TBCK: variants seen among roughly 807,000 people sequenced by gnomAD.
TBCK encodes TBC domain-containing protein kinase-like protein.
In TBCK, 99 loss-of-function variants were observed where a neutral mutation model predicts 113.4. That is an observed-to-expected ratio of 0.87 (90% CI 0.74 to 1.03). The LOEUF (loss-of-function observed/expected upper bound fraction) is 1.03, where lower values mean the gene tolerates loss of function less well. Among genes scored for constraint, TBCK ranks in the 50% least tolerant of loss-of-function variants. The pLI is 0.00. For missense variants in TBCK, 1,045 were observed against 1,061.3 expected (o/e 0.98, Z 0.21); for synonymous variants, 369 against 370.8 (o/e 1.00, Z 0.05).
At chr4:106,068,739 G>T (rs905844016) in intron 25 of TBCK, among the ~76,000 whole-genome samples, 1 of 152,096 alleles carries the variant, frequency 6.6e-6, no homozygotes, top group Non-Finnish European at 1.5e-5. Flanking sequence ...CTTCCACAAT[G>T]GTTGAACTAG....
intron 25 of TBCK, among the ~76,000 whole-genome samples, chr4:106,063,871 G>T (rs1330820022): frequency 6.6e-6 from 1 of 151,770 alleles, no homozygotes; most frequent in African/African-American, 2.4e-5. Context: ...CCTTTATCTT[G>T]GACTTAGTCT....
At chr4:106,167,131 T>TAG (rs59727874) in intron 23 of TBCK, among the ~76,000 whole-genome samples, 275 of 143,112 alleles carry the variant, frequency 1.9e-3, no homozygotes, top group African/African-American at 2.6e-3. Flanking sequence ...TATATATATA[T>TAG]AGAGAGAGAG....
chr4:106,041,913 A>G lies in TBCK; in HGVS notation c.*4657T>C, dbSNP rs1314688440. 2 of 152,244 alleles carry G rather than the reference A, an allele frequency of 1.3e-5. No individual in the cohort carries two copies. The highest frequency in any genetic ancestry group is 2.9e-5 in the Non-Finnish European group (2 of 68,044). The allele number at this position is 152,244 out of a possible 1,614,324, so 9.4% of individuals were successfully genotyped here. A position where few individuals can be genotyped will look rare whatever the true frequency, so the allele number is the denominator to read the frequency against. Reference sequence around the variant, plus strand: ...ACATGTGACTTTATAAAATATGGCTAACTTTTAAAATAGGTATTTACAATG... The same window carrying G: ...ACATGTGACTTTATAAAATATGGCTGACTTTTAAAATAGGTATTTACAATG... On this transcript the variant is annotated 3_prime_UTR_variant, in exon 26 of 26. Transcript: ENST00000394708.
chr4:106,242,582 T>G lies in TBCK; in HGVS notation c.1071-13A>C. On this transcript the variant is annotated splice_polypyrimidine_tract_variant and intron_variant, in intron 11 of 25. Transcript: ENST00000394708. ...CTCAAAGAGAAAACTGAAAAGAAATTTTTAAAAATAATATGTACACAAAAT... is the reference window on the plus strand; with the variant it reads ...CTCAAAGAGAAAACTGAAAAGAAATGTTTAAAAATAATATGTACACAAAAT... 5 of 1,578,268 alleles carry G rather than the reference T, an allele frequency of 3.2e-6. No homozygotes were observed. Among genetic ancestry groups the G allele is most frequent in the Non-Finnish European group, 4.3e-6 (5 of 1,163,770 alleles).
chr4:106,214,652 G>T (rs1223666862), intron 19 of TBCK, among the ~76,000 whole-genome samples: 1 of 152,082 alleles, frequency 6.6e-6, no homozygotes, highest in East Asian at 1.9e-4. Context: ...AAGTGAGAAG[G>T]AAAGTTTAGA....
chr4:106,301,941 T>C (rs1221568826), intron 2 of TBCK, among the ~76,000 whole-genome samples: 3 of 152,216 alleles, frequency 2.0e-5, no homozygotes, highest in Non-Finnish European at 2.9e-5. Context: ...AAGGAGACTG[T>C]TCATCAGAAA....
intron 20 of TBCK, among the ~76,000 whole-genome samples, chr4:106,201,224 C>A (rs1162425561): frequency 1.4e-4 from 21 of 151,974 alleles, no homozygotes; most frequent in East Asian, 3.9e-4. Context: ...AAGTAATGTA[C>A]TCTGTGAGAT....
Position 106,044,028 on chromosome 4 carries a change from T to C in TBCK, c.*2542A>G, listed in dbSNP as rs1734007826. On this transcript the variant is annotated 3_prime_UTR_variant, in exon 26 of 26. Transcript: ENST00000394708. ...TATTAAATATTATAATTTTCATGTT[T>C]AAAAAACTTCAATTTCTTGGAATAA... The C allele has an allele frequency of 1.3e-5, 2 of 152,324 alleles. No homozygotes were observed. The highest frequency in any genetic ancestry group is 4.8e-5 in the African/African-American group (2 of 41,574). The allele number at this position is 152,324 out of a possible 1,614,324, so 9.4% of individuals were successfully genotyped here.
At chr4:106,145,887 C>CA (rs1343280692) in intron 23 of TBCK, among the ~76,000 whole-genome samples, 3 of 151,836 alleles carry the variant, frequency 2.0e-5, no homozygotes, top group Admixed American at 6.6e-5. Flanking sequence ...ACTAAAAAGT[C>CA]AAAAAAACAG....
At chr4:106,265,386 C>T (rs1762900219) in intron 3 of TBCK, among the ~76,000 whole-genome samples, 1 of 151,830 alleles carries the variant, frequency 6.6e-6, no homozygotes. Flanking sequence ...ATAAAGAATT[C>T]AATTGTACTT....
Position 106,131,464 on chromosome 4 carries a change from T to A in TBCK, c.2236-15086A>T, listed in dbSNP as rs1409755387. Among the ~76,000 whole-genome samples, 5 of 152,028 alleles carry A rather than the reference T, an allele frequency of 3.3e-5. No individual in the cohort carries two copies. In the East Asian group the frequency reaches 9.7e-4, roughly 29 times the overall value. ...CCCGTCTCTACTAAAAAGACAAAAA[T>A]TAGCTGGGCATGGTGGCGCATGCCT... On this transcript the variant is annotated intron_variant, in intron 23 of 25. Transcript: ENST00000394708.
intron 25 of TBCK, among the ~76,000 whole-genome samples, chr4:106,048,874 G>A (rs941000890): frequency 1.3e-5 from 2 of 152,126 alleles, no homozygotes; most frequent in Admixed American, 6.6e-5. Context: ...TAAAGACAAA[G>A]CAGGCAGAAC....
intron 24 of TBCK, among the ~76,000 whole-genome samples, chr4:106,097,888 T>C (rs1299048352): frequency 1.3e-5 from 2 of 151,980 alleles, no homozygotes; most frequent in Non-Finnish European, 2.9e-5. Flanking sequence ...AAGAGGAAAA[T>C]AGAAGAAAAT....
chr4:106,133,407 T>C (rs2149628201), intron 23 of TBCK, among the ~76,000 whole-genome samples: 1 of 152,294 alleles, frequency 6.6e-6, no homozygotes, highest in Middle Eastern at 3.4e-3. Flanking sequence ...TAAACCTCTT[T>C]CCTTTATAAA....
intron 5 of TBCK, chr4:106,254,851 A>G (rs961305068): frequency 6.6e-6 from 1 of 152,344 alleles, no homozygotes; most frequent in African/African-American, 2.4e-5. Flanking sequence ...GCCTAAGAGT[A>G]TACTATTACA....
intron 3 of TBCK, among the ~76,000 whole-genome samples, chr4:106,266,517 C>A (rs1290152023): frequency 6.6e-6 from 1 of 151,844 alleles, no homozygotes; most frequent in Non-Finnish European, 1.5e-5. Context: ...CTATACTGTG[C>A]TTTTGCTAAT....
intron 22 of TBCK, among the ~76,000 whole-genome samples, chr4:106,177,568 C>T (rs1241755390): frequency 6.6e-6 from 1 of 151,860 alleles, no homozygotes; most frequent in East Asian, 1.9e-4. Flanking sequence ...TTTCCCAGCA[C>T]CATTTATTAA....
In TBCK at chr4:106,045,653, CTTCTT is replaced by C. The variant is rs777386340; in HGVS notation, c.*912_*916del. 1 of 152,156 alleles carries C rather than the reference CTTCTT, an allele frequency of 6.6e-6. No homozygotes were observed. Among genetic ancestry groups the C allele is most frequent in the Non-Finnish European group, 1.5e-5 (1 of 68,072 alleles). The allele number at this position is 152,156 out of a possible 1,614,324, so 9.4% of individuals were successfully genotyped here. On this transcript the variant is annotated 3_prime_UTR_variant, in exon 26 of 26. Transcript: ENST00000394708. ...CCTTAAAGGGAAGGAGTGTGCTTCG[CTTCTT>C]TTCCTTTCTTTTCTTCTTTCCTCCC...
At chr4:106,071,026 T>G (rs537311983) in intron 25 of TBCK, among the ~76,000 whole-genome samples, 2 of 152,322 alleles carry the variant, frequency 1.3e-5, no homozygotes, top group Admixed American at 1.3e-4. Flanking sequence ...CTATCTATTT[T>G]GTTGACCTTT....
Sources: allele counts gnomAD v4.1 joint callset (sites outside exome capture counted in the v4.1 genomes callset), GRCh38; gene constraint gnomAD v4.1.1; transcripts MANE v1.5; gene names NCBI Gene and HGNC (gene_info 2026-07-23, HGNC 2026-07-21).